The following TUSC3 variants were observed in gnomAD, a reference collection of about 807,000 sequenced individuals.
The protein encoded by TUSC3 is dolichyl-diphosphooligosaccharide--protein glycosyltransferase subunit TUSC3.
TUSC3 carries 45 observed loss-of-function variants against 44.8 expected under a neutral mutation model. The ratio of observed to expected loss-of-function variants is 1.00; its 90% confidence interval spans 0.79 to 1.29. TUSC3 has a LOEUF of 1.29. Among genes scored for constraint, TUSC3 ranks in the 50% most tolerant of loss-of-function variants. TUSC3 has a pLI of 0.00. For missense variants in TUSC3, 519 were observed against 437.9 expected (o/e 1.19, Z -1.65); for synonymous variants, 212 against 152.9 (o/e 1.39, Z -2.85).
intron 2 of TUSC3, among the ~76,000 whole-genome samples, chr8:15,645,352 A>G (rs149874964): frequency 6.9e-4 from 105 of 152,180 alleles, no homozygotes; most frequent in African/African-American, 2.5e-3. Flanking sequence ...TACTGTTTCT[A>G]TTACCTTACT....
At chr8:15,423,386 T>C (rs1280424466) in intron 1 of TUSC3, among the ~76,000 whole-genome samples, 1 of 152,204 alleles carries the variant, frequency 6.6e-6, no homozygotes. Context: ...AACCTTACTT[T>C]TCGGATACTG....
intron 2 of TUSC3, among the ~76,000 whole-genome samples, chr8:15,639,404 T>G (rs1390481862): frequency 1.3e-5 from 2 of 152,228 alleles, no homozygotes; most frequent in Non-Finnish European, 2.9e-5. Flanking sequence ...TTCATATTGA[T>G]GAAAAACTCA....
At chr8:15,685,787 T>A (rs1808602799) in intron 6 of TUSC3, among the ~76,000 whole-genome samples, 1 of 152,110 alleles carries the variant, frequency 6.6e-6, no homozygotes. Context: ...TCCAACTGCA[T>A]TGAGCAAATT....
intron 6 of TUSC3, among the ~76,000 whole-genome samples, chr8:15,674,981 C>T (rs1808118997): frequency 1.3e-5 from 2 of 152,036 alleles, no homozygotes; most frequent in African/African-American, 2.4e-5. Context: ...GCCCTTTCCT[C>T]TCTTCCTCCT....
In TUSC3 at chr8:15,430,827, C is replaced by A. The variant is rs111694346; in HGVS notation, n.91+13522C>A. Among the ~76,000 whole-genome samples the A allele has an allele frequency of 9.8e-3, 1,489 of 151,830 alleles. 78 individuals are homozygous for A. The highest frequency in any genetic ancestry group is 0.034 in the African/African-American group (1,417 of 41,120). On this transcript the variant is annotated intron_variant and non_coding_transcript_variant, in intron 1 of 5. Coordinates refer to the TUSC3 transcript ENST00000503191. ...TGCAAAAATCACAAGCATTCTTATA[C>A]ACCAATAACAGACAAACAGAGAGCC...
At chr8:15,675,502 C>T (rs756101974) in intron 6 of TUSC3, among the ~76,000 whole-genome samples, 2 of 151,418 alleles carry the variant, frequency 1.3e-5, no homozygotes, top group African/African-American at 4.9e-5. Context: ...AGGTTAGTTA[C>T]ATTGGTACAT....
intron 10 of TUSC3, 130 bp downstream of exon 10, chr8:15,757,985 A>G: frequency 6.8e-7 from 1 of 1,478,966 alleles, no homozygotes; most frequent in Non-Finnish European, 9.0e-7. Context: ...TTTAACTGTG[A>G]GATTCCATAT....
At chr8:15,723,843 G>T (rs1467680619) in intron 6 of TUSC3, among the ~76,000 whole-genome samples, 1 of 152,070 alleles carries the variant, frequency 6.6e-6, no homozygotes, top group Non-Finnish European at 1.5e-5. Context: ...TAGTATTTTA[G>T]CACACAAAGG....
At chr8:15,834,354 CTT>C in the TUSC3 span, among the ~76,000 whole-genome samples, 3 of 152,074 alleles carry the variant, frequency 2.0e-5, no homozygotes, top group Non-Finnish European at 4.4e-5. Context: ...ATTTCTTTCT[CTT>C]GTCTCATTGT....
At chr8:15,735,947 C>T (rs1332696520) in intron 7 of TUSC3, among the ~76,000 whole-genome samples, 1 of 149,912 alleles carries the variant, frequency 6.7e-6, no homozygotes, top group African/African-American at 2.5e-5. Flanking sequence ...CCAGGATGGT[C>T]TCGATCTCCT....
chr8:15,807,995 T>G, the TUSC3 span, among the ~76,000 whole-genome samples: 6 of 45,156 alleles, frequency 1.3e-4, no homozygotes, highest in African/African-American at 4.4e-4. Flanking sequence ...TACCTGTATA[T>G]GTACCTCTAT....
the TUSC3 span, chr8:15,807,433 A>G: frequency 4.5e-6 from 1 of 222,430 alleles, no homozygotes; most frequent in Non-Finnish European, 8.7e-6. Context: ...GGATTCAGCC[A>G]CTGTGGAAAG....
chr8:15,718,136 T>C (rs4258005), intron 6 of TUSC3, among the ~76,000 whole-genome samples: 38,122 of 151,976 alleles, frequency 0.25, 6,029 homozygotes, highest in Admixed American at 0.37. Flanking sequence ...TTGTGAGTAA[T>C]AGATTGATGA....
chr8:15,851,990 T>C, the TUSC3 span, among the ~76,000 whole-genome samples: 2 of 152,212 alleles, frequency 1.3e-5, no homozygotes, highest in Non-Finnish European at 1.5e-5. Context: ...TTCTCTTGTC[T>C]CCCGCCATGT....
At chr8:15,648,203 T>G (rs1806714497) in intron 2 of TUSC3, among the ~76,000 whole-genome samples, 2 of 152,208 alleles carry the variant, frequency 1.3e-5, no homozygotes, top group Admixed American at 6.5e-5. Flanking sequence ...TTCGACTCTG[T>G]CTTCTAACAT....
intron 2 of TUSC3, among the ~76,000 whole-genome samples, chr8:15,628,804 ATT>A (rs1355331473): frequency 1.3e-5 from 2 of 152,214 alleles, no homozygotes; most frequent in Non-Finnish European, 2.9e-5. Flanking sequence ...GTACTGAGCA[ATT>A]TAGTAGCAAG....
At chr8:15,800,589 G>A in the TUSC3 span, among the ~76,000 whole-genome samples, 2 of 149,674 alleles carry the variant, frequency 1.3e-5, no homozygotes, top group East Asian at 4.0e-4. Context: ...AAAAAAAAAA[G>A]AAAGAAAGAA....
At chr8:15,575,161 A>AT (rs35391028) in intron 1 of TUSC3, among the ~76,000 whole-genome samples, 71,768 of 151,430 alleles carry the variant, frequency 0.47, 17,253 homozygotes, top group Non-Finnish European at 0.5. Context: ...CGATAGATGT[A>AT]TTTTTTTTGC....
At chr8:15,708,824 C>G (rs954604057) in intron 6 of TUSC3, among the ~76,000 whole-genome samples, 1 of 151,722 alleles carries the variant, frequency 6.6e-6, no homozygotes, top group Non-Finnish European at 1.5e-5. Flanking sequence ...GAAAACAGTC[C>G]AAATCCGTGT....
Sources: allele counts gnomAD v4.1 joint callset (sites outside exome capture counted in the v4.1 genomes callset), GRCh38; gene constraint gnomAD v4.1.1; transcripts MANE v1.5; gene names NCBI Gene and HGNC (gene_info 2026-07-23, HGNC 2026-07-21).